The following DENND4A variants were observed in gnomAD, a reference collection of about 807,000 sequenced individuals.
DENND4A encodes DENN domain containing 4A.
DENND4A carries 70 observed loss-of-function variants against 199.3 expected under a neutral mutation model. The ratio of observed to expected loss-of-function variants is 0.35; its 90% CI spans 0.29 to 0.43. The LOEUF (loss-of-function observed/expected upper bound fraction) is 0.43, where lower values mean the gene tolerates loss of function less well. DENND4A is among the 20% of genes least tolerant of loss of function. DENND4A has a pLI of 1.00. For missense variants in DENND4A, 1,723 were observed against 2,255.8 expected (o/e 0.76, Z 4.78); for synonymous variants, 686 against 766.9 (o/e 0.89, Z 1.74).
At chr15:65,775,195 A>G (rs144291166) in intron 1 of DENND4A, among the ~76,000 whole-genome samples, 19 of 152,172 alleles carry the variant, frequency 1.2e-4, no homozygotes, top group Admixed American at 3.3e-4. Flanking sequence ...AAATTTTTTT[A>G]ATTAGCTGGG....
Position 65,668,041 on chromosome 15 carries a change from G to A in DENND4A, c.4870C>T (p.Pro1624Ser). 1 of 1,612,076 alleles carries A rather than the reference G, an allele frequency of 6.2e-7. No individual in the cohort carries two copies. The highest frequency in any genetic ancestry group is 2.2e-5 in the East Asian group (1 of 44,858). ...ATACTCCTGGCCATTGGAAATATTGGACATTTAGACATAGCTGTTTTTGAT... is the reference window on the plus strand; with the variant it reads ...ATACTCCTGGCCATTGGAAATATTGAACATTTAGACATAGCTGTTTTTGAT... Reference protein sequence around the residue: ...NRSKTAMSKCPIFPMARSIST... With the variant: ...NRSKTAMSKCSIFPMARSIST... Residue 1624 changes from proline (P) to serine (S), a missense_variant, in exon 28 of 33, where the codon CCA becomes TCA. Physicochemically the swap from Pro to Ser is moderately conservative, Grantham distance 74. Around this residue, in one of 6 missense-constraint regions of DENND4A, gnomAD observed 141 missense variants for 170.7 expected, o/e 0.83. Coordinates refer to ENST00000443035, the MANE Select transcript of DENND4A (RefSeq NM_001320835.1).
intron 1 of DENND4A, chr15:65,772,057 G>A (rs1199368647): frequency 3.1e-6 from 4 of 1,282,392 alleles, no homozygotes; most frequent in Non-Finnish European, 2.3e-6. Flanking sequence ...TGCAGGAAAC[G>A]CTGGGCCTTC....
At chr15:65,769,109 G>A (rs55920828) in intron 1 of DENND4A, among the ~76,000 whole-genome samples, 14,624 of 150,588 alleles carry the variant, frequency 0.097, 884 homozygotes, top group Non-Finnish European at 0.14. Context: ...TTACAAAGTC[G>A]GATATAAACT....
intron 9 of DENND4A, 38 bp from the exon 10 acceptor site, chr15:65,729,716 T>C (rs1245937192): frequency 6.6e-7 from 1 of 1,526,152 alleles, no homozygotes; most frequent in Admixed American, 2.1e-5. Flanking sequence ...TAAAAAATAA[T>C]GATCCAAACA....
At chr15:65,742,544 G>A (rs576509182) in intron 4 of DENND4A, among the ~76,000 whole-genome samples, 1 of 151,660 alleles carries the variant, frequency 6.6e-6, no homozygotes, top group Non-Finnish European at 1.5e-5. Context: ...TCCTGCCTCA[G>A]CCTCCTGGAG....
At chr15:65,662,321 A>G (rs1192774365) in intron 32 of DENND4A, among the ~76,000 whole-genome samples, 2 of 152,192 alleles carry the variant, frequency 1.3e-5, no homozygotes, top group Non-Finnish European at 2.9e-5. Context: ...TTTTTTGCCC[A>G]TATTTTCTTT....
At chr15:65,691,930 C>G (rs1211862877) in intron 22 of DENND4A, among the ~76,000 whole-genome samples, 1 of 148,648 alleles carries the variant, frequency 6.7e-6, no homozygotes, top group African/African-American at 2.5e-5. Flanking sequence ...TGTGGTTATA[C>G]TAGATGACCT....
At chr15:65,677,006 T>C (rs1279362067) in intron 23 of DENND4A, among the ~76,000 whole-genome samples, 1 of 152,194 alleles carries the variant, frequency 6.6e-6, no homozygotes, top group Non-Finnish European at 1.5e-5. Flanking sequence ...CAAAGACATA[T>C]ATATTTCTAC....
At chr15:65,747,046 C>T (rs953835242) in intron 4 of DENND4A, among the ~76,000 whole-genome samples, 3 of 150,628 alleles carry the variant, frequency 2.0e-5, no homozygotes, top group African/African-American at 4.9e-5. Flanking sequence ...GTGGAGGTTG[C>T]AGGGAGCCGA....
Position 65,723,168 on chromosome 15 carries a change from T to C in DENND4A, c.1488-220A>G, listed in dbSNP as rs147519380. 4.4e-3 allele frequency among the ~76,000 whole-genome samples: 664 copies of C among 152,334 alleles called. 5 individuals are homozygous for C. Among genetic ancestry groups the C allele is most frequent in the Middle Eastern group, 0.01 (3 of 294 alleles). ...TGAGGGTAGAACCTTGTATTAAATATAGTTCACAAGTTTATATTTATACTG... is the reference window on the plus strand; with the variant it reads ...TGAGGGTAGAACCTTGTATTAAATACAGTTCACAAGTTTATATTTATACTG... On this transcript the variant is annotated intron_variant, in intron 11 of 32. Coordinates refer to ENST00000443035, the MANE Select transcript of DENND4A (RefSeq NM_001320835.1).
chr15:65,773,275 G>A (rs1270616446), intron 1 of DENND4A, among the ~76,000 whole-genome samples: 5 of 152,156 alleles, frequency 3.3e-5, no homozygotes, highest in Admixed American at 6.5e-5. Context: ...ATTAATTTCT[G>A]TAATTTGCAA....
Position 65,771,492 on chromosome 15 carries a change from G to A in DENND4A, c.-101-10054C>T, listed in dbSNP as rs1596665311. The A allele has an allele frequency of 4.3e-6, 7 of 1,610,618 alleles. No homozygotes were observed. In the East Asian group the frequency reaches 1.3e-4, roughly 31 times the overall value. On this transcript the variant is annotated intron_variant, in intron 1 of 32. Transcript: ENST00000443035. ...CCAGATCTGGGATAGAAGGAATAAG[G>A]AGGATTACAGACCATCAACTGGCTT... is the stretch of plus-strand genomic sequence containing the variant.
intron 2 of DENND4A, among the ~76,000 whole-genome samples, chr15:65,758,502 G>C (rs2076771583): frequency 6.6e-6 from 1 of 151,930 alleles, no homozygotes; most frequent in Admixed American, 6.6e-5. Flanking sequence ...TGTAGAGATA[G>C]AGTCTCATTT....
intron 20 of DENND4A, among the ~76,000 whole-genome samples, chr15:65,699,292 T>C (rs2077265218): frequency 6.6e-6 from 1 of 152,156 alleles, no homozygotes; most frequent in Non-Finnish European, 1.5e-5. Context: ...ATTTTATTAG[T>C]AATGCTTCAA....
chr15:65,743,619 TATC>T (rs1271963766), intron 4 of DENND4A, among the ~76,000 whole-genome samples: 3 of 152,246 alleles, frequency 2.0e-5, no homozygotes, highest in African/African-American at 7.2e-5. Flanking sequence ...TAAAATTTAT[TATC>T]ATCTATTTTC....
intron 7 of DENND4A, among the ~76,000 whole-genome samples, chr15:65,735,844 C>A (rs1285490685): frequency 1.3e-5 from 2 of 152,096 alleles, no homozygotes; most frequent in Non-Finnish European, 2.9e-5. Context: ...TAATCCCCAG[C>A]ACTCTAGGAG....
At chr15:65,763,682 A>AAAC (rs2076912031) in intron 1 of DENND4A, among the ~76,000 whole-genome samples, 2 of 99,832 alleles carry the variant, frequency 2.0e-5, no homozygotes, top group African/African-American at 6.7e-5. Context: ...CTTGTCTCAA[A>AAAC]AAAAAAAAAA....
chr15:65,666,370 C>G (rs1272443396), intron 29 of DENND4A, among the ~76,000 whole-genome samples: 1 of 152,118 alleles, frequency 6.6e-6, no homozygotes, highest in African/African-American at 2.4e-5. Flanking sequence ...GAGATGGCTA[C>G]TCAATGATTA....
chr15:65,768,043 G>A (rs1023756683), intron 1 of DENND4A, among the ~76,000 whole-genome samples: 2 of 152,176 alleles, frequency 1.3e-5, no homozygotes, highest in Admixed American at 6.5e-5. Context: ...ACTGGTTTCA[G>A]CAAACCTCAA....
Sources: gnomAD v4.1 joint callset for allele counts (sites outside exome capture counted in the v4.1 genomes callset) on GRCh38, gnomAD v4.1.1 for gene constraint, gnomAD v4.1.1 regional missense constraint, MANE v1.5 for transcripts, NCBI Gene and HGNC (gene_info 2026-07-23, HGNC 2026-07-21) for gene names.